Variants in ACOT7 observed in about 807,000 individuals in gnomAD.
ACOT7 encodes the protein acyl-CoA thioesterase 7, also known as cytosolic acyl coenzyme A thioester hydrolase.
Under a neutral mutation model 40.2 loss-of-function variants are expected in ACOT7, and 12 were observed. The ratio of observed to expected loss-of-function variants is 0.30; its 90% confidence interval spans 0.19 to 0.48. ACOT7 has a LOEUF of 0.48. Among genes scored for constraint, ACOT7 ranks in the 20% least tolerant of loss-of-function variants. ACOT7 has a pLI of 0.99. For missense variants in ACOT7, 395 were observed against 530.8 expected (o/e 0.74, Z 2.51); for synonymous variants, 228 against 219.5 (o/e 1.04, Z -0.34).
chr1:6,369,399 T>TA (rs1491297329), intron 1 of ACOT7, among the ~76,000 whole-genome samples: 2 of 86,658 alleles, frequency 2.3e-5, no homozygotes, highest in East Asian at 5.7e-4. Flanking sequence ...AATGCATTTC[T>TA]TTTTTTTTTT....
intron 2 of ACOT7, among the ~76,000 whole-genome samples, chr1:6,348,228 C>T (rs1375661119): frequency 6.6e-6 from 1 of 152,158 alleles, no homozygotes; most frequent in Non-Finnish European, 1.5e-5. Flanking sequence ...CCAGCAAACC[C>T]ACTCCTGAAC....
Position 6,278,746 on chromosome 1 carries a change from G to A in ACOT7, c.1014+2356C>T, listed in dbSNP as rs888747032. Among the ~76,000 whole-genome samples, 5 of 152,140 alleles carry A rather than the reference G, an allele frequency of 3.3e-5. No homozygotes were observed. The highest frequency in any genetic ancestry group is 4.8e-5 in the African/African-American group (2 of 41,414). On this transcript the variant is annotated intron_variant, in intron 8 of 8. Coordinates refer to ENST00000361521, the MANE Select transcript of ACOT7 (RefSeq NM_007274.4). This position sits in a 1 kb window ranked among gnomAD's most constrained non-coding sequence, Gnocchi z 4.1. ...TAGGACATGTCAAAGCCAAGGGTTCGGGGACCGTGTGGTGGCCGGGGAGGC... is the reference window on the plus strand; with the variant it reads ...TAGGACATGTCAAAGCCAAGGGTTCAGGGACCGTGTGGTGGCCGGGGAGGC...
intron 1 of ACOT7, among the ~76,000 whole-genome samples, chr1:6,383,332 C>T (rs1415801311): frequency 6.6e-6 from 1 of 150,666 alleles, no homozygotes; most frequent in African/African-American, 2.4e-5. Flanking sequence ...AGACTACAGG[C>T]GCCCACCATG....
chr1:6,294,554 G>T lies in ACOT7; in HGVS notation c.829+310C>A, dbSNP rs184853153. Among the ~76,000 whole-genome samples the T allele has an allele frequency of 1.2e-3, 184 of 152,366 alleles. 5 individuals are homozygous for T. Among genetic ancestry groups the T allele is most frequent in the Admixed American group, 0.011 (166 of 15,312 alleles). ...GCTGCCATGAGGTTTGGTGTCCAGG[G>T]TCGTGGCAGCTGCAGGCACAGGACC... On this transcript the variant is annotated intron_variant, in intron 7 of 8. Transcript: ENST00000361521. The surrounding 1 kb of genome is among the most constrained non-coding windows in gnomAD (Gnocchi z 4.6).
At chr1:6,336,075 G>A (rs954202451) in intron 3 of ACOT7, among the ~76,000 whole-genome samples, 1 of 152,136 alleles carries the variant, frequency 6.6e-6, no homozygotes, top group Non-Finnish European at 1.5e-5. Context: ...GGCCAGCTGC[G>A]GTGGCTTACG....
At position 6,282,248 on chromosome 1, in the gene ACOT7, T is replaced by C. The variant is rs944655452; in HGVS notation, c.830-962A>G. Among the ~76,000 whole-genome samples the C allele has an allele frequency of 1.3e-5, 2 of 152,094 alleles. No individual in the cohort carries two copies. Among genetic ancestry groups the C allele is most frequent in the African/African-American group, 4.8e-5 (2 of 41,430 alleles). ...TCTCAGGGAGCTCAGCTCTTCCCTA[T>C]AGGCAGGCATGAGACACCCTGCCTG... On this transcript the variant is annotated intron_variant, in intron 7 of 8. Coordinates refer to ENST00000361521, the MANE Select transcript of ACOT7 (RefSeq NM_007274.4). The surrounding 1 kb of genome is among the most constrained non-coding windows in gnomAD (Gnocchi z 4.5).
Position 6,309,295 on chromosome 1 carries a change from G to A in ACOT7, c.712+9197C>T, listed in dbSNP as rs573756447. On this transcript the variant is annotated intron_variant, in intron 6 of 8. Transcript: ENST00000361521. The stretch of plus-strand genomic sequence containing the variant: ...AAGCTCTGATGGCCCAAACTTTACA[G>A]GTTCTGTGTTGGTAAAGACTTGGAT... Among the ~76,000 whole-genome samples, 10 of 152,298 alleles carry A rather than the reference G, an allele frequency of 6.6e-5. 1 individual carries two copies. The South Asian group carries it at 2.1e-3, about 32-fold the overall frequency.
chr1:6,279,681 G>C (rs1171279087), intron 8 of ACOT7, among the ~76,000 whole-genome samples: 2 of 152,198 alleles, frequency 1.3e-5, no homozygotes, highest in Admixed American at 1.3e-4. Context: ...CACCCGACCT[G>C]GGAGAGGCCG....
intron 4 of ACOT7, among the ~76,000 whole-genome samples, chr1:6,328,602 A>G (rs924971618): frequency 1.3e-5 from 2 of 152,164 alleles, no homozygotes; most frequent in African/African-American, 4.8e-5. Flanking sequence ...GAATCGCTTG[A>G]ATCCGGGAGA....
rs929153223 is a variant in ACOT7, at chr1:6,275,281, T to C, written c.1014+5821A>G. On this transcript the variant is annotated intron_variant, in intron 8 of 8. Transcript: ENST00000361521. The surrounding 1 kb of genome is among the most constrained non-coding windows in gnomAD (Gnocchi z 5.6). The stretch of plus-strand genomic sequence containing the variant: ...AACCTGCTGAGAATGGCCCCCGGCC[T>C]GGTAGGGCTCCCTCAACCTGAAGGA... 3.3e-5 allele frequency among the ~76,000 whole-genome samples: 5 copies of C among 152,152 alleles called. No individual in the cohort carries two copies. Among genetic ancestry groups the C allele is most frequent in the African/African-American group, 4.8e-5 (2 of 41,434 alleles).
rs921910390 is a variant in ACOT7, at chr1:6,384,079, T to C, written c.143+9178A>G. Among the ~76,000 whole-genome samples, 15 of 151,830 alleles carry C rather than the reference T, an allele frequency of 9.9e-5. 1 individual carries two copies. The highest frequency in any genetic ancestry group is 2.1e-4 in the South Asian group (1 of 4,824). ...TGCCCAGGCTGACAACTTTTTTGAA[T>C]TGGAAAATTTTCTTAATTAAAAAAT... is the stretch of plus-strand genomic sequence containing the variant. On this transcript the variant is annotated intron_variant, in intron 1 of 8. Coordinates refer to ENST00000361521, the MANE Select transcript of ACOT7 (RefSeq NM_007274.4).
intron 8 of ACOT7, among the ~76,000 whole-genome samples, chr1:6,265,149 A>T (rs1410730551): frequency 6.6e-6 from 1 of 152,170 alleles, no homozygotes; most frequent in Non-Finnish European, 1.5e-5. Context: ...ACGGAAGTGG[A>T]AAGGAAGAGG....
chr1:6,347,728 T>C (rs1641471349), intron 2 of ACOT7, among the ~76,000 whole-genome samples: 2 of 151,670 alleles, frequency 1.3e-5, no homozygotes, highest in East Asian at 1.9e-4. Flanking sequence ...GATCGCACCA[T>C]TGTACTCTAG....
At position 6,373,447 on chromosome 1, in the gene ACOT7, C is replaced by T. The variant is rs1404528328; in HGVS notation, c.143+19810G>A. Among the ~76,000 whole-genome samples, 12 of 152,102 alleles carry T rather than the reference C, an allele frequency of 7.9e-5. No homozygotes were observed. In the East Asian group the frequency reaches 1.2e-3, roughly 15 times the overall value. On this transcript the variant is annotated intron_variant, in intron 1 of 8. Transcript: ENST00000361521. ...TATATTTTTAGTAGAGATGGGGTTT[C>T]GCCATGTTGGCCAGGCTGGTCTCGA...
rs572653470 is a variant in ACOT7 at position 6,375,195 on chromosome 1, G to A, written c.143+18062C>T. ...GGAGAATGGCGGGAACCCAGGAGGC[G>A]GAGCTTGCAGTGAGCCAAGATCGCG... On this transcript the variant is annotated intron_variant, in intron 1 of 8. Transcript: ENST00000361521. Among the ~76,000 whole-genome samples the A allele has an allele frequency of 3.3e-4, 49 of 150,682 alleles. No individual in the cohort carries two copies. The South Asian group carries it at 9.9e-3, about 30-fold the overall frequency.
intron 1 of ACOT7, among the ~76,000 whole-genome samples, chr1:6,366,592 A>C (rs2148470372): frequency 6.8e-6 from 1 of 146,250 alleles, no homozygotes; most frequent in Admixed American, 6.9e-5. Context: ...ATCTCAAATA[A>C]AAAAAAAAAA....
intron 6 of ACOT7, among the ~76,000 whole-genome samples, chr1:6,304,701 AG>A (rs1447050069): frequency 7.6e-6 from 1 of 131,982 alleles, no homozygotes; most frequent in Non-Finnish European, 1.6e-5. Context: ...CAGAGAGCAC[AG>A]GGTTGGGGGT....
Position 6,355,545 on chromosome 1 carries a change from C to T in ACOT7, c.144-5679G>A, listed in dbSNP as rs1468602613. Among the ~76,000 whole-genome samples, 1 of 152,146 alleles carries T rather than the reference C, an allele frequency of 6.6e-6. No homozygotes were observed. The highest frequency in any genetic ancestry group is 2.4e-5 in the African/African-American group (1 of 41,426). ...AAGGTGACCACCTGGGGCGCAGGGACGACCATTCCAGGAAGGAGGTGTGAC... is the reference window on the plus strand; with the variant it reads ...AAGGTGACCACCTGGGGCGCAGGGATGACCATTCCAGGAAGGAGGTGTGAC... On this transcript the variant is annotated intron_variant, in intron 1 of 8. Coordinates refer to ENST00000361521, the MANE Select transcript of ACOT7 (RefSeq NM_007274.4). This position sits in a 1 kb window ranked among gnomAD's most constrained non-coding sequence, Gnocchi z 5.0.
In ACOT7 at chr1:6,299,937, G is replaced by A. The variant is rs113594183; in HGVS notation, c.713-4957C>T. Among the ~76,000 whole-genome samples, 1 of 152,164 alleles carries A rather than the reference G, an allele frequency of 6.6e-6. No homozygotes were observed. The highest frequency in any genetic ancestry group is 2.4e-5 in the African/African-American group (1 of 41,426). ...GAAGCTCTGTCAGCCTCCAATGGGG[G>A]CCAGGACCAGCTGCATTTGCCATGA... is the stretch of plus-strand genomic sequence containing the variant. On this transcript the variant is annotated intron_variant, in intron 6 of 8. Transcript: ENST00000361521. The surrounding 1 kb of genome is among the most constrained non-coding windows in gnomAD (Gnocchi z 4.1).
Sources: allele counts gnomAD v4.1 joint callset (sites outside exome capture counted in the v4.1 genomes callset), GRCh38; gene constraint gnomAD v4.1.1; non-coding constraint Gnocchi (gnomAD v3.1); transcripts MANE v1.5; gene names NCBI Gene and HGNC (gene_info 2026-07-23, HGNC 2026-07-21).